ADAMTS20: variants seen among roughly 807,000 people sequenced by gnomAD.
The protein encoded by ADAMTS20 is A disintegrin and metalloproteinase with thrombospondin motifs 20.
A neutral mutation model predicts 260.1 loss-of-function variants in ADAMTS20; 225 were observed. That is an observed-to-expected ratio of 0.87 (90% CI 0.78 to 0.97). The LOEUF (loss-of-function observed/expected upper bound fraction) is 0.97, where lower values mean the gene tolerates loss of function less well. ADAMTS20 is among the 50% of genes least tolerant of loss of function. The pLI is 0.00. For synonymous variants in ADAMTS20, 802 were observed against 769.5 expected, an observed-to-expected ratio of 1.04 and a Z score of -0.70; for missense variants, 2,400 against 2,337.7, an observed-to-expected ratio of 1.03 and a Z score of -0.55.
intron 2 of ADAMTS20, among the ~76,000 whole-genome samples, chr12:43,537,269 G>A (rs1943309301): frequency 6.6e-6 from 1 of 151,464 alleles, no homozygotes; most frequent in South Asian, 2.1e-4. Context: ...TGCCCAGGCT[G>A]GTCCCGAACT....
intron 7 of ADAMTS20, among the ~76,000 whole-genome samples, chr12:43,486,153 G>A (rs974630718): frequency 1.3e-5 from 2 of 152,054 alleles, no homozygotes; most frequent in African/African-American, 4.8e-5. Context: ...AAACCTGGAA[G>A]CAACACATAC....
intron 29 of ADAMTS20, among the ~76,000 whole-genome samples, chr12:43,387,420 C>T (rs1940503557): frequency 6.6e-6 from 1 of 152,194 alleles, no homozygotes; most frequent in Non-Finnish European, 1.5e-5. Context: ...TATGAGGTGT[C>T]TGTTGACCCC....
chr12:43,412,519 G>A (rs992725420), intron 28 of ADAMTS20, among the ~76,000 whole-genome samples: 1 of 152,030 alleles, frequency 6.6e-6, no homozygotes, highest in Non-Finnish European at 1.5e-5. Flanking sequence ...TGACTCTAAC[G>A]GGTATCCTGT....
chr12:43,454,289 G>A (rs1246814564), intron 11 of ADAMTS20, among the ~76,000 whole-genome samples: 1 of 152,110 alleles, frequency 6.6e-6, no homozygotes, highest in Non-Finnish European at 1.5e-5. Context: ...GTGTCATTGG[G>A]GAGGAAGGAA....
chr12:43,391,221 A>G (rs1391925787), intron 29 of ADAMTS20, among the ~76,000 whole-genome samples: 1 of 152,160 alleles, frequency 6.6e-6, no homozygotes, highest in Non-Finnish European at 1.5e-5. Context: ...AATTCCAACA[A>G]TGAGTGCTCT....
At chr12:43,479,279 A>G (rs1049409104) in intron 7 of ADAMTS20, among the ~76,000 whole-genome samples, 2 of 152,222 alleles carry the variant, frequency 1.3e-5, no homozygotes, top group East Asian at 3.9e-4. Flanking sequence ...TGATAGAGAT[A>G]TACTTCATGT....
At chr12:43,474,975 G>A (rs1471350054) in intron 7 of ADAMTS20, among the ~76,000 whole-genome samples, 2,117 of 116,280 alleles carry the variant, frequency 0.018, 29 homozygotes, top group East Asian at 0.069. Flanking sequence ...ACATAGTGTT[G>A]GAAGTTCTGG....
chr12:43,456,247 A>T (rs1941962083), intron 11 of ADAMTS20, among the ~76,000 whole-genome samples: 1 of 152,208 alleles, frequency 6.6e-6, no homozygotes, highest in South Asian at 2.1e-4. Context: ...TACTACAGAT[A>T]ATTTGCAAAG....
At chr12:43,531,902 T>C in intron 3 of ADAMTS20, 134 bp downstream of exon 3, 1 of 633,440 alleles carries the variant, frequency 1.6e-6, no homozygotes, top group Non-Finnish European at 2.2e-6. Context: ...ACATACACAA[T>C]TTTTATTTCT....
chr12:43,375,512 T>C lies in ADAMTS20; in HGVS notation c.5313A>G (p.Arg1771=). ...AAGGACATTGATATGGATTTTTTAG[T>C]CTGTAACAACATTGGGATATTTTAG... is the stretch of plus-strand genomic sequence containing the variant. ...EENFSEVYGF[R]LKNPYQCPFN... is the part of the protein sequence containing the mutation. Residue 1771 remains arginine, a splice_region_variant and synonymous_variant, in exon 36 of 39, where the codon AGA becomes AGG. Coordinates refer to ENST00000389420, the MANE Select transcript of ADAMTS20 (RefSeq NM_025003.5). The C allele has an allele frequency of 1.9e-6, 3 of 1,613,092 alleles. No homozygotes were observed. The highest frequency in any genetic ancestry group is 2.5e-6 in the Non-Finnish European group (3 of 1,179,422).
chr12:43,356,670 G>A (rs568892289), intron 37 of ADAMTS20, 82 bp from the exon 38 acceptor site: 1 of 932,578 alleles, frequency 1.1e-6, no homozygotes, highest in South Asian at 1.5e-5. Flanking sequence ...ATTGCAAGGG[G>A]CAACTGAATT....
At chr12:43,532,760 T>C (rs1943243530) in intron 2 of ADAMTS20, among the ~76,000 whole-genome samples, 1 of 76,652 alleles carries the variant, frequency 1.3e-5, no homozygotes, top group Non-Finnish European at 2.6e-5. Flanking sequence ...TGTGTCCATG[T>C]GATCTCATTG....
chr12:43,387,257 G>C (rs1940499317), intron 29 of ADAMTS20, among the ~76,000 whole-genome samples: 1 of 152,144 alleles, frequency 6.6e-6, no homozygotes, highest in African/African-American at 2.4e-5. Context: ...TCTGTTGCAG[G>C]TCTGCTGGAG....
intron 29 of ADAMTS20, among the ~76,000 whole-genome samples, chr12:43,388,989 A>G (rs186615347): frequency 1.3e-5 from 2 of 152,278 alleles, no homozygotes; most frequent in East Asian, 1.9e-4. Context: ...CCACCTCCTA[A>G]TACCATCACC....
intron 4 of ADAMTS20, among the ~76,000 whole-genome samples, chr12:43,501,481 G>GCACACACACACACACACACACA (rs3036317): frequency 0.061 from 7,173 of 117,134 alleles, 277 homozygotes; most frequent in Middle Eastern, 0.095. Context: ...GCGCGCGCGC[G>GCACACACACACACACACACACA]CACACACACA....
intron 2 of ADAMTS20, among the ~76,000 whole-genome samples, chr12:43,540,086 G>A (rs7305653): frequency 0.21 from 32,254 of 151,954 alleles, 3,572 homozygotes; most frequent in South Asian, 0.32. Flanking sequence ...GTTTCACCAT[G>A]TTGGCCAGGC....
intron 10 of ADAMTS20, 93 bp downstream of exon 10, chr12:43,464,498 A>T (rs563084342): frequency 7.0e-7 from 1 of 1,436,462 alleles, no homozygotes; most frequent in African/African-American, 1.4e-5. Context: ...TAAAAGCTAT[A>T]TTTAGTTCAA....
intron 28 of ADAMTS20, among the ~76,000 whole-genome samples, chr12:43,420,332 G>A (rs1027900061): frequency 1.3e-5 from 2 of 152,110 alleles, no homozygotes; most frequent in African/African-American, 4.8e-5. Flanking sequence ...TACTTTTGGG[G>A]AGAATCAATG....
intron 4 of ADAMTS20, among the ~76,000 whole-genome samples, chr12:43,494,828 T>C (rs1297991368): frequency 6.6e-6 from 1 of 152,214 alleles, no homozygotes; most frequent in African/African-American, 2.4e-5. Flanking sequence ...TTGGAGTTAC[T>C]TTGATCCTGT....
Sources: gnomAD v4.1 joint callset for allele counts (sites outside exome capture counted in the v4.1 genomes callset) on GRCh38, gnomAD v4.1.1 for gene constraint, MANE v1.5 for transcripts, NCBI Gene and HGNC (gene_info 2026-07-23, HGNC 2026-07-21) for gene names.